The following PIK3R4 variants were observed in gnomAD, a reference collection of about 807,000 sequenced individuals.
PIK3R4 encodes the protein phosphoinositide 3-kinase regulatory subunit 4.
PIK3R4 carries 46 observed loss-of-function variants against 136.5 expected under a neutral mutation model. The observed-to-expected ratio is 0.34, with a 90% confidence interval of 0.27 to 0.43. The LOEUF is 0.43. Ranked by LOEUF, PIK3R4 falls within the 20% of genes least tolerant of loss-of-function variation. PIK3R4 has a pLI of 1.00. For synonymous variants in PIK3R4, 557 were observed against 566.7 expected, an observed-to-expected ratio of 0.98 and a Z score of 0.24; for missense variants, 1,331 against 1,649.5, an observed-to-expected ratio of 0.81 and a Z score of 3.35.
At chr3:130,721,483 A>G (rs186029825) in intron 7 of PIK3R4, among the ~76,000 whole-genome samples, 176 of 152,384 alleles carry the variant, frequency 1.2e-3, no homozygotes, top group African/African-American at 4.1e-3. Context: ...AAGAGTCGAC[A>G]TAGGAAATCA....
intron 16 of PIK3R4, 127 bp from the exon 17 acceptor site, chr3:130,681,718 TATA>T (rs1339946060): frequency 5.7e-5 from 34 of 595,330 alleles, no homozygotes; most frequent in Non-Finnish European, 1.0e-4. Flanking sequence ...GGAGAGACAA[TATA>T]ATATTCACTT....
intron 14 of PIK3R4, among the ~76,000 whole-genome samples, chr3:130,689,958 A>C (rs1202967354): frequency 6.6e-6 from 1 of 152,238 alleles, no homozygotes; most frequent in East Asian, 1.9e-4. Context: ...TTTATAAAAA[A>C]TAAACATTCT....
In PIK3R4 at chr3:130,716,597, A is replaced by G; in HGVS notation, c.2130T>C (p.Ile710=). The G allele has an allele frequency of 6.2e-7, 1 of 1,604,198 alleles. No individual in the cohort carries two copies. Among genetic ancestry groups the G allele is most frequent in the Non-Finnish European group, 8.5e-7 (1 of 1,174,020 alleles). ...CACTGAGCAGAACAAGTTTTCTTTC[A>G]ATCTATATTGGAAAAATAAAAAGGA... ...DPYITQPIIQ[I]ERKLVLLSVL... Residue 710 remains isoleucine (I), a splice_region_variant and synonymous_variant, in exon 9 of 20, where the codon ATT becomes ATC. Transcript: ENST00000356763.
chr3:130,733,404 G>C (rs2066768958), intron 4 of PIK3R4, 144 bp downstream of exon 4: 3 of 612,622 alleles, frequency 4.9e-6, no homozygotes, highest in African/African-American at 3.7e-5. Flanking sequence ...AGAGTAACTA[G>C]AAATATTATC....
At chr3:130,694,408 CAT>C (rs2066535661) in intron 13 of PIK3R4, among the ~76,000 whole-genome samples, 1 of 151,828 alleles carries the variant, frequency 6.6e-6, no homozygotes, top group Non-Finnish European at 1.5e-5. Flanking sequence ...ACTGCATGAA[CAT>C]GGGGTTTCTT....
rs764330598 is a variant in PIK3R4, at chr3:130,733,893, C to G, written c.1105G>C (p.Glu369Gln). The G allele has an allele frequency of 1.4e-5, 23 of 1,613,996 alleles. No homozygotes were observed. Among genetic ancestry groups the G allele is most frequent in the Non-Finnish European group, 1.8e-5 (21 of 1,179,968 alleles). The change falls in exon 4 of 20, where the codon GAG (glutamate) becomes CAG (glutamine). Residue 369 changes from glutamate to glutamine, a missense_variant. This residue lies in a region of PIK3R4 where 1,180 missense variants were observed against 1,407.0 expected (regional missense o/e 0.84). Transcript: ENST00000356763. ...GHDLPEKAEGEPKENGLVILV... is the reference protein window; with the variant it reads ...GHDLPEKAEGQPKENGLVILV... ...ATAACCAGCCCATTTTCCTTAGGCT[C>G]TCCTTCGGCTTTTTCTGGCAGATCA...
intron 6 of PIK3R4, among the ~76,000 whole-genome samples, chr3:130,725,287 C>T (rs1576461009): frequency 2.0e-5 from 3 of 151,372 alleles, no homozygotes; most frequent in Non-Finnish European, 3.0e-5. Context: ...ATGGAACAGA[C>T]TAGATAGCCA....
chr3:130,741,256 C>T (rs1406034035), intron 2 of PIK3R4, among the ~76,000 whole-genome samples: 1 of 152,108 alleles, frequency 6.6e-6, no homozygotes, highest in Non-Finnish European at 1.5e-5. Flanking sequence ...ACCATGTATG[C>T]TCATTCACAG....
chr3:130,746,820 G>C lies in PIK3R4; in HGVS notation c.-549C>G, dbSNP rs933526171. ...CGCCGAACTCCCGGGAAAGCAACCGGTCTGACCTCACTTCCTGTCGCCGAG... is the reference window on the plus strand; with the variant it reads ...CGCCGAACTCCCGGGAAAGCAACCGCTCTGACCTCACTTCCTGTCGCCGAG... On this transcript the variant is annotated 5_prime_UTR_variant, in exon 1 of 20. Transcript: ENST00000356763. 6.6e-6 allele frequency: 1 copy of C among 152,306 alleles called. No homozygotes were observed. Among genetic ancestry groups the C allele is most frequent in the African/African-American group, 2.4e-5 (1 of 41,434 alleles). The allele number at this position is 152,306 out of a possible 1,614,324, so 9.4% of individuals were successfully genotyped here.
chr3:130,734,508 A>C (rs1380044328), intron 3 of PIK3R4, among the ~76,000 whole-genome samples: 2 of 152,234 alleles, frequency 1.3e-5, no homozygotes, highest in African/African-American at 4.8e-5. Context: ...ATTAAAAAAC[A>C]CATACAATTC....
chr3:130,689,626 C>T (rs149604033), intron 14 of PIK3R4, among the ~76,000 whole-genome samples: 40 of 152,284 alleles, frequency 2.6e-4, no homozygotes, highest in African/African-American at 9.1e-4. Context: ...CACTAAACAA[C>T]TCCTCATTTT....
chr3:130,688,410 G>A (rs181733306), intron 14 of PIK3R4, among the ~76,000 whole-genome samples: 84 of 152,202 alleles, frequency 5.5e-4, no homozygotes, highest in African/African-American at 1.9e-3. Context: ...TCCTTTATTC[G>A]CCATGCCCTT....
Position 130,720,771 on chromosome 3 carries a change from G to A in PIK3R4, c.1982-2237C>T, listed in dbSNP as rs75548082. 2.1e-3 allele frequency among the ~76,000 whole-genome samples: 313 copies of A among 152,286 alleles called. 1 individual carries two copies. Among genetic ancestry groups the A allele is most frequent in the African/African-American group, 7.2e-3 (298 of 41,546 alleles). ...CCTGGGTATAGCAAAATTGAGAAAA[G>A]CCCCAATGAAGAGGGCAGGAAGGGT... On this transcript the variant is annotated intron_variant, in intron 7 of 19. Transcript: ENST00000356763.
At chr3:130,696,472 A>T (rs969816301) in intron 13 of PIK3R4, among the ~76,000 whole-genome samples, 1 of 151,966 alleles carries the variant, frequency 6.6e-6, no homozygotes, top group Non-Finnish European at 1.5e-5. Context: ...ATTTTTATTC[A>T]TCTCAAAGTA....
chr3:130,693,182 G>A (rs60584758), intron 13 of PIK3R4, among the ~76,000 whole-genome samples: 5,526 of 152,168 alleles, frequency 0.036, 358 homozygotes, highest in African/African-American at 0.13. Context: ...CCGTTTTATG[G>A]CTGGTTTTCA....
intron 7 of PIK3R4, among the ~76,000 whole-genome samples, chr3:130,719,388 AT>A (rs925323563): frequency 1.8e-4 from 27 of 152,204 alleles, no homozygotes; most frequent in Admixed American, 1.8e-3. Context: ...TATATAAGAA[AT>A]ACACATTAAT....
Position 130,690,480 on chromosome 3 carries a change from GATAAGATACC to G in PIK3R4, c.3263_3263+9del. On this transcript the variant is annotated splice_donor_variant and splice_donor_5th_base_variant and coding_sequence_variant and intron_variant, in exon 14 of 20. Coordinates refer to ENST00000356763, the MANE Select transcript of PIK3R4 (RefSeq NM_014602.3). LOFTEE classifies it high-confidence loss of function. The stretch of plus-strand genomic sequence containing the variant: ...AATACAATGTTTAAGAAAGACAAAA[GATAAGATACC>G]TGCTTTGTAGAGGATGGATTTTAGG... 6.2e-7 allele frequency: 1 copy of G among 1,600,426 alleles called. No homozygotes were observed. The highest frequency in any genetic ancestry group is 8.5e-7 in the Non-Finnish European group (1 of 1,171,988).
intron 15 of PIK3R4, among the ~76,000 whole-genome samples, chr3:130,685,880 T>A (rs910884441): frequency 1.3e-5 from 2 of 152,148 alleles, no homozygotes; most frequent in Admixed American, 6.6e-5. Context: ...CAAACTTGGA[T>A]GCTATTTTCC....
intron 13 of PIK3R4, among the ~76,000 whole-genome samples, chr3:130,703,262 G>C (rs1422969015): frequency 6.6e-6 from 1 of 152,168 alleles, no homozygotes; most frequent in African/African-American, 2.4e-5. Context: ...CAGCCACAAA[G>C]ACCTTTCTGC....
Sources: allele counts gnomAD v4.1 joint callset (sites outside exome capture counted in the v4.1 genomes callset), GRCh38; gene constraint gnomAD v4.1.1; regional missense constraint gnomAD v4.1.1; transcripts MANE v1.5; gene names NCBI Gene and HGNC (gene_info 2026-07-23, HGNC 2026-07-21).